The following CCDC192 variants were observed in gnomAD, a reference collection of about 807,000 sequenced individuals.
CCDC192 encodes coiled-coil domain containing 192.
chr5:127,803,942 T>C (rs1266457688), intron 5 of CCDC192, among the ~76,000 whole-genome samples: 1 of 152,168 alleles, frequency 6.6e-6, no homozygotes, highest in African/African-American at 2.4e-5. Flanking sequence ...TGCTTAAAAG[T>C]GTAGGACAGA....
chr5:127,749,329 T>C (rs1753981794), intron 2 of CCDC192, among the ~76,000 whole-genome samples: 1 of 152,222 alleles, frequency 6.6e-6, no homozygotes, highest in Non-Finnish European at 1.5e-5. Context: ...TGAAAGGTTG[T>C]TGAATTTTGT....
At chr5:127,939,132 T>C (rs1754289782) in intron 6 of CCDC192, among the ~76,000 whole-genome samples, 1 of 146,984 alleles carries the variant, frequency 6.8e-6, no homozygotes, top group Non-Finnish European at 1.5e-5. Flanking sequence ...TTTTTTTTTT[T>C]TTTGAGATGG....
chr5:127,876,894 G>GT (rs1306982441), intron 6 of CCDC192, among the ~76,000 whole-genome samples: 1 of 152,154 alleles, frequency 6.6e-6, no homozygotes, highest in Non-Finnish European at 1.5e-5. Context: ...ACTTGAAACA[G>GT]TTTTTTCTTT....
At chr5:127,929,821 G>T (rs1011341925) in intron 6 of CCDC192, among the ~76,000 whole-genome samples, 1 of 152,142 alleles carries the variant, frequency 6.6e-6, no homozygotes, top group African/African-American at 2.4e-5. Context: ...TATTTCATAA[G>T]GAGGTATCCT....
chr5:127,888,899 C>T (rs1322761111), intron 6 of CCDC192, among the ~76,000 whole-genome samples: 1 of 151,856 alleles, frequency 6.6e-6, no homozygotes, highest in African/African-American at 2.4e-5. Flanking sequence ...ATAACTTTTC[C>T]TTGTAAGTCC....
intron 2 of CCDC192, among the ~76,000 whole-genome samples, chr5:127,711,099 T>G (rs1019617104): frequency 6.6e-6 from 1 of 152,210 alleles, no homozygotes; most frequent in African/African-American, 2.4e-5. Flanking sequence ...GGATCACGAC[T>G]GCTCCCTCTG....
At position 127,938,732 on chromosome 5, in the gene CCDC192, G is replaced by A. The variant is rs891368968; in HGVS notation, c.536-2450G>A. On this transcript the variant is annotated intron_variant, in intron 6 of 6. Transcript: ENST00000514853. ...TTTAAACTAAATCTCCCAGTCAAAT[G>A]TGTATTTTACATTAAAGCACATTTT... Among the ~76,000 whole-genome samples the A allele has an allele frequency of 4.6e-5, 7 of 152,330 alleles. 1 individual carries two copies. The highest frequency in any genetic ancestry group is 3.4e-3 in the Middle Eastern group (1 of 294).
chr5:127,809,120 C>A (rs1757945032), intron 5 of CCDC192, among the ~76,000 whole-genome samples: 1 of 152,082 alleles, frequency 6.6e-6, no homozygotes. Context: ...TCTCTTGATA[C>A]AATTTTACAC....
intron 3 of CCDC192, among the ~76,000 whole-genome samples, chr5:127,775,044 A>T (rs1370252477): frequency 6.6e-6 from 1 of 152,110 alleles, no homozygotes; most frequent in East Asian, 1.9e-4. Flanking sequence ...TTTCCTTTTC[A>T]GATTGCTCAT....
chr5:127,897,086 T>C (rs1040892175), intron 6 of CCDC192, among the ~76,000 whole-genome samples: 4 of 151,804 alleles, frequency 2.6e-5, no homozygotes, highest in Non-Finnish European at 5.9e-5. Context: ...GGTTTTATCA[T>C]CTTCTATGCC....
At chr5:127,800,235 A>G (rs1046707083) in intron 5 of CCDC192, among the ~76,000 whole-genome samples, 5 of 151,984 alleles carry the variant, frequency 3.3e-5, no homozygotes, top group African/African-American at 1.2e-4. Flanking sequence ...TCTCACTCCC[A>G]TGCAGACAAA....
intron 5 of CCDC192, among the ~76,000 whole-genome samples, chr5:127,856,612 T>C (rs548802701): frequency 6.6e-6 from 1 of 152,332 alleles, no homozygotes; most frequent in African/African-American, 2.4e-5. Flanking sequence ...AGCTTAATCA[T>C]TTCTGGCTTT....
chr5:127,841,673 A>G (rs1750294274), intron 5 of CCDC192, among the ~76,000 whole-genome samples: 1 of 152,152 alleles, frequency 6.6e-6, no homozygotes, highest in African/African-American at 2.4e-5. Flanking sequence ...CTGCTTCTTA[A>G]CATATACTCA....
chr5:127,857,979 T>C (rs1483426463), intron 5 of CCDC192, among the ~76,000 whole-genome samples: 1 of 152,176 alleles, frequency 6.6e-6, no homozygotes, highest in Non-Finnish European at 1.5e-5. Context: ...ATTTGACACA[T>C]AAAGTTAACC....
At chr5:127,837,552 AGTGGGGAC>A (rs1750078762) in intron 5 of CCDC192, among the ~76,000 whole-genome samples, 2 of 149,478 alleles carry the variant, frequency 1.3e-5, no homozygotes, top group Non-Finnish European at 1.5e-5. Context: ...TATGAGATTT[AGTGGGGAC>A]AAAAAGCCTA....
At chr5:127,823,047 G>C (rs1749368017) in intron 5 of CCDC192, among the ~76,000 whole-genome samples, 1 of 152,206 alleles carries the variant, frequency 6.6e-6, no homozygotes, top group Admixed American at 6.5e-5. Context: ...CTCTGATGAA[G>C]ATAACCCTGC....
intron 5 of CCDC192, among the ~76,000 whole-genome samples, chr5:127,873,348 C>T (rs995912194): frequency 6.6e-6 from 1 of 152,058 alleles, no homozygotes; most frequent in Non-Finnish European, 1.5e-5. Flanking sequence ...CTTTCTCCCC[C>T]TAATATCTTA....
chr5:127,746,923 T>C (rs1753783794), intron 2 of CCDC192, among the ~76,000 whole-genome samples: 1 of 152,154 alleles, frequency 6.6e-6, no homozygotes, highest in Non-Finnish European at 1.5e-5. Context: ...GAATGCTGTA[T>C]TTTTATGCCT....
intron 6 of CCDC192, among the ~76,000 whole-genome samples, chr5:127,915,575 G>C (rs1047382053): frequency 5.3e-5 from 8 of 152,152 alleles, no homozygotes; most frequent in African/African-American, 1.9e-4. Flanking sequence ...TAGAGACAGG[G>C]TTTCACCATG....
Sources: gnomAD v4.1 joint callset for allele counts (sites outside exome capture counted in the v4.1 genomes callset) on GRCh38, gnomAD v4.1.1 for gene constraint, MANE v1.5 for transcripts, NCBI Gene and HGNC (gene_info 2026-07-23, HGNC 2026-07-21) for gene names.